TTF1: variants seen among roughly 807,000 people sequenced by gnomAD.
TTF1 encodes transcription termination factor 1.
A neutral mutation model predicts 80.2 loss-of-function variants in TTF1; 64 were observed. The observed-to-expected ratio is 0.80, with a 90% CI of 0.65 to 0.98. The LOEUF (loss-of-function observed/expected upper bound fraction) is 0.98, where lower values mean the gene tolerates loss of function less well. Among genes scored for constraint, TTF1 ranks in the 50% least tolerant of loss-of-function variants. The probability of loss-of-function intolerance (pLI) is 0.00; values close to 1 mark genes in which losing one functional copy is unlikely to be tolerated. For missense variants in TTF1, 1,023 were observed against 1,086.2 expected, an observed-to-expected ratio of 0.94 and a Z score of 0.82; for synonymous variants, 372 against 382.7, an observed-to-expected ratio of 0.97 and a Z score of 0.33.
Position 132,402,643 on chromosome 9 carries a change from T to C in TTF1, c.179A>G (p.Gln60Arg), listed in dbSNP as rs771408598. The part of the protein sequence containing the change: ...TRRKKRKKDF[Q>R]HLISSPLKKS... Reference sequence around the variant, plus strand: ...TTTCAAAGGAGAAGAAATGAGATGCTGGAAATCTTTTTTCCTCTTTTTCCT... The same window carrying C: ...TTTCAAAGGAGAAGAAATGAGATGCCGGAAATCTTTTTTCCTCTTTTTCCT... Residue 60 changes from glutamine (Q) to arginine (R), a missense_variant, in exon 2 of 11, where the codon CAG becomes CGG. Coordinates refer to ENST00000334270, the MANE Select transcript of TTF1 (RefSeq NM_007344.4). 2 of 1,613,204 alleles carry C rather than the reference T, an allele frequency of 1.2e-6. No homozygotes were observed. The highest frequency in any genetic ancestry group is 1.1e-5 in the South Asian group (1 of 90,882).
chr9:132,388,490 A>C (rs1045505650), intron 7 of TTF1, among the ~76,000 whole-genome samples: 2 of 151,356 alleles, frequency 1.3e-5, no homozygotes, highest in Admixed American at 1.3e-4. Flanking sequence ...ACAGGTGCGC[A>C]CCACCACGCC....
chr9:132,397,715 G>A (rs187075739), intron 4 of TTF1, among the ~76,000 whole-genome samples: 18 of 152,290 alleles, frequency 1.2e-4, no homozygotes, highest in African/African-American at 2.9e-4. Context: ...GGCTGGGCGC[G>A]GTGGCTCACG....
intron 3 of TTF1, 83 bp from the exon 4 acceptor site, chr9:132,398,409 A>G: frequency 1.4e-6 from 2 of 1,409,650 alleles, no homozygotes; most frequent in South Asian, 2.6e-5. Flanking sequence ...TTCATCAGCA[A>G]TGACAGTACC....
chr9:132,387,507 A>G (rs528588282), intron 8 of TTF1, among the ~76,000 whole-genome samples: 79 of 54,432 alleles, frequency 1.5e-3, no homozygotes, highest in African/African-American at 2.6e-3. Context: ...GGATCAGGAA[A>G]CCCACAGTGA....
chr9:132,378,667 G>A (rs1849308344), intron 10 of TTF1, among the ~76,000 whole-genome samples: 1 of 118,456 alleles, frequency 8.4e-6, no homozygotes, highest in Non-Finnish European at 1.7e-5. Flanking sequence ...ATACGTGTGT[G>A]AGTGCATGCA....
At chr9:132,393,544 T>C (rs1849597628) in intron 5 of TTF1, among the ~76,000 whole-genome samples, 2 of 152,378 alleles carry the variant, frequency 1.3e-5, no homozygotes, top group East Asian at 1.9e-4. Context: ...GGGATACTTT[T>C]AGTTAATTTA....
chr9:132,378,579 TG>T, intron 10 of TTF1, among the ~76,000 whole-genome samples: 1 of 101,282 alleles, frequency 9.9e-6, no homozygotes, highest in African/African-American at 5.0e-5. Context: ...TGAGTGCATG[TG>T]GTGTGTGAAT....
In TTF1 at chr9:132,396,444, A is replaced by G. The variant is rs1564188735; in HGVS notation, c.1845T>C (p.Asn615=). Reference sequence around the variant, plus strand: ...GACTTTTTTCTTACCTGCCTTTGTAATTGTTGACATCGAACATCTTCTTTG... The same window carrying G: ...GACTTTTTTCTTACCTGCCTTTGTAGTTGTTGACATCGAACATCTTCTTTG... ...YRAKKMFDVN[N]YKGRYSEGDT... The change falls in exon 5 of 11, where the codon AAT becomes AAC. Residue 615 remains asparagine, a synonymous_variant. Coordinates refer to ENST00000334270, the MANE Select transcript of TTF1 (RefSeq NM_007344.4). 2 of 1,614,174 alleles carry G rather than the reference A, an allele frequency of 1.2e-6. No homozygotes were observed. Among genetic ancestry groups the G allele is most frequent in the Non-Finnish European group, 1.7e-6 (2 of 1,180,032 alleles).
rs139458315 is a variant in TTF1, at chr9:132,402,983, A to G, written c.-7-155T>C. Reference sequence around the variant, plus strand: ...CCATTTTCCCGCCTCAGCCTCCCGAATAGCTGGGACTACAGGCACCCACCA... The same window carrying G: ...CCATTTTCCCGCCTCAGCCTCCCGAGTAGCTGGGACTACAGGCACCCACCA... On this transcript the variant is annotated intron_variant, in intron 1 of 10. Coordinates refer to ENST00000334270, the MANE Select transcript of TTF1 (RefSeq NM_007344.4). Among the ~76,000 whole-genome samples the G allele has an allele frequency of 2.9e-3, 448 of 152,188 alleles. 2 individuals carry two copies. Among genetic ancestry groups the G allele is most frequent in the African/African-American group, 0.01 (430 of 41,510 alleles).
intron 10 of TTF1, among the ~76,000 whole-genome samples, chr9:132,377,177 GTGTGTGAGTGCATGCATGT>G (rs1320767227): frequency 2.1e-5 from 3 of 145,906 alleles, no homozygotes; most frequent in African/African-American, 7.9e-5. Context: ...CATGCATGTG[GTGTGTGAGTGCATGCATGT>G]GGTGTGAGTG....
At position 132,392,059 on chromosome 9, in the gene TTF1, T is replaced by C. The variant is rs1313548590; in HGVS notation, c.1987+17A>G. ...CTTATTTCTTCAGCGAGGTGGGCAC[T>C]GGGGGCTGCCACTTACGACTGCTGA... On this transcript the variant is annotated intron_variant, in intron 6 of 10. Transcript: ENST00000334270. The C allele has an allele frequency of 1.2e-6, 2 of 1,613,468 alleles. No homozygotes were observed. The highest frequency in any genetic ancestry group is 1.7e-6 in the Non-Finnish European group (2 of 1,179,924).
intron 5 of TTF1, among the ~76,000 whole-genome samples, chr9:132,393,055 CA>C (rs1849587095): frequency 1.3e-5 from 2 of 152,184 alleles, no homozygotes; most frequent in Non-Finnish European, 2.9e-5. Context: ...TGCTGGTCAC[CA>C]TACTGGAAGA....
chr9:132,397,980 C>T lies in TTF1; in HGVS notation c.1777+161G>A, dbSNP rs571522458. 6.0e-5 allele frequency among the ~76,000 whole-genome samples: 9 copies of T among 150,202 alleles called. No individual in the cohort carries two copies. In the East Asian group the frequency reaches 9.7e-4, roughly 16 times the overall value. On this transcript the variant is annotated intron_variant, in intron 4 of 10. Transcript: ENST00000334270. ...CAGCCTGGGCAACAGAACAAGACTC[C>T]GTCTCAAAAAAAAAAAAAAGAATAT...
At chr9:132,397,137 T>C (rs1253566819) in intron 4 of TTF1, among the ~76,000 whole-genome samples, 1 of 152,218 alleles carries the variant, frequency 6.6e-6, no homozygotes, top group African/African-American at 2.4e-5. Context: ...TTCCGGTCTA[T>C]GCAATTTGTG....
chr9:132,377,705 T>G, intron 10 of TTF1, among the ~76,000 whole-genome samples: 4 of 47,168 alleles, frequency 8.5e-5, no homozygotes, highest in Non-Finnish European at 1.2e-4. Flanking sequence ...GTGCATGTGG[T>G]GTGTGTGAGT....
chr9:132,405,618 T>C (rs1160796290), intron 1 of TTF1, among the ~76,000 whole-genome samples: 1 of 152,212 alleles, frequency 6.6e-6, no homozygotes, highest in Non-Finnish European at 1.5e-5. Context: ...CTTCTAAATA[T>C]ATAGTCTCTC....
At position 132,377,108 on chromosome 9, in the gene TTF1, G is replaced by A. The variant is rs572249322; in HGVS notation, c.2465-940C>T. Among the ~76,000 whole-genome samples the A allele has an allele frequency of 3.2e-4, 49 of 152,302 alleles. 1 individual carries two copies. Among genetic ancestry groups the A allele is most frequent in the African/African-American group, 1.2e-3 (49 of 41,554 alleles). The stretch of plus-strand genomic sequence containing the variant: ...TTTATTCTTTCTGGAATATGTGTAT[G>A]CTTCTGTGTATGTGTGTACATGCAT... On this transcript the variant is annotated intron_variant, in intron 10 of 10. Coordinates refer to ENST00000334270, the MANE Select transcript of TTF1 (RefSeq NM_007344.4).
chr9:132,402,016 G>T lies in TTF1; in HGVS notation c.806C>A (p.Pro269His), dbSNP rs779980296. Reference protein sequence around the residue: ...LDDETPQLLGPTHKKKSKKKK... With the variant: ...LDDETPQLLGHTHKKKSKKKK... ...TTTCTTAGACTTTTTTTTGTGAGTA[G>T]GTCCTAGTAGTTGTGGAGTTTCATC... is the stretch of plus-strand genomic sequence containing the variant. The change falls in exon 2 of 11, where the codon CCT becomes CAT. Residue 269 changes from proline (P) to histidine (H), a missense_variant. Physicochemically the swap from Pro to His is moderately conservative, Grantham distance 77. Transcript: ENST00000334270. 5 of 1,613,914 alleles carry T rather than the reference G, an allele frequency of 3.1e-6. No homozygotes were observed. In the South Asian group the frequency reaches 5.5e-5, roughly 18 times the overall value.
chr9:132,400,501 T>C (rs1564190276), intron 2 of TTF1, among the ~76,000 whole-genome samples: 1 of 152,040 alleles, frequency 6.6e-6, no homozygotes, highest in Non-Finnish European at 1.5e-5. Flanking sequence ...TTTTGTATTT[T>C]TAGTAGAGAC....
Sources: gnomAD v4.1 joint callset for allele counts (sites outside exome capture counted in the v4.1 genomes callset) on GRCh38, gnomAD v4.1.1 for gene constraint, MANE v1.5 for transcripts, NCBI Gene and HGNC (gene_info 2026-07-23, HGNC 2026-07-21) for gene names.